Variants in BAIAP2L1 observed in about 807,000 individuals in gnomAD.
BAIAP2L1 encodes BAR/IMD domain-containing adapter protein 2-like 1.
A neutral mutation model predicts 66.3 loss-of-function variants in BAIAP2L1; 35 were observed. That is an observed-to-expected ratio of 0.53 (90% confidence interval 0.40 to 0.70). The LOEUF is 0.70. Among genes scored for constraint, BAIAP2L1 ranks in the 30% least tolerant of loss-of-function variants. BAIAP2L1 has a pLI of 0.00. For missense variants in BAIAP2L1, 622 were observed against 656.9 expected (o/e 0.95, Z 0.58); for synonymous variants, 269 against 248.7 (o/e 1.08, Z -0.77).
chr7:98,335,179 A>G (rs1801588023), intron 3 of BAIAP2L1, among the ~76,000 whole-genome samples: 1 of 58,820 alleles, frequency 1.7e-5, no homozygotes, highest in East Asian at 3.9e-4. Flanking sequence ...AAAAAAAAAA[A>G]TTTATCTCCC....
rs1803015900 is a variant in BAIAP2L1, at chr7:98,390,685, T to C, written c.51+10117A>G. ...AGGCAGAGCTTGCAGTGAGCCAAGA[T>C]TGCGCCACTGCACTACAGCCTGGGT... On this transcript the variant is annotated intron_variant, in intron 1 of 13. Transcript: ENST00000005260. 7.2e-5 allele frequency among the ~76,000 whole-genome samples: 11 copies of C among 151,898 alleles called. No individual in the cohort carries two copies. The South Asian group carries it at 2.3e-3, about 32-fold the overall frequency.
rs1322564204 is a variant in BAIAP2L1, at chr7:98,315,508, A to C, written c.591T>G (p.Val197=). The change falls in exon 7 of 14, where the codon GTT becomes GTG. Residue 197 remains valine (V), a synonymous_variant. Coordinates refer to ENST00000005260, the MANE Select transcript of BAIAP2L1 (RefSeq NM_018842.5). The part of the protein sequence containing the change: ...LEEKRRFCFL[V]DKHCGFANHI... ...GGTTTGCAAAGCCACAGTGCTTATC[A>C]ACCAGAAAGCAGAAGCGCCTCTTCT... is the stretch of plus-strand genomic sequence containing the variant. 16 of 1,522,932 alleles carry C rather than the reference A, an allele frequency of 1.1e-5. No individual in the cohort carries two copies. The highest frequency in any genetic ancestry group is 1.3e-5 in the Non-Finnish European group (15 of 1,129,688). The allele number at this position is 1,522,932 out of a possible 1,614,324, so 94.3% of individuals were successfully genotyped here.
intron 2 of BAIAP2L1, among the ~76,000 whole-genome samples, chr7:98,360,060 T>C (rs1802233559): frequency 6.6e-6 from 1 of 151,972 alleles, no homozygotes; most frequent in Non-Finnish European, 1.5e-5. Context: ...GTAGTTGGGA[T>C]CACAGGCACG....
intron 2 of BAIAP2L1, among the ~76,000 whole-genome samples, chr7:98,355,835 G>GT (rs1467067061): frequency 1.3e-5 from 2 of 152,186 alleles, no homozygotes; most frequent in African/African-American, 4.8e-5. Context: ...GTTAGGAGTT[G>GT]TGTGAGGTGG....
intron 11 of BAIAP2L1, 104 bp downstream of exon 11, chr7:98,306,335 A>T: frequency 7.3e-7 from 1 of 1,361,566 alleles, no homozygotes; most frequent in Non-Finnish European, 1.0e-6. Context: ...ACGAGAGCTG[A>T]GGCTTAGGGC....
chr7:98,357,528 C>T (rs914660246), intron 2 of BAIAP2L1, among the ~76,000 whole-genome samples: 6 of 142,554 alleles, frequency 4.2e-5, no homozygotes, highest in Non-Finnish European at 6.0e-5. Context: ...GATTGCGCCA[C>T]TGCACTCCAG....
At chr7:98,311,784 TA>T (rs570404907) in intron 8 of BAIAP2L1, among the ~76,000 whole-genome samples, 81 of 152,018 alleles carry the variant, frequency 5.3e-4, no homozygotes, top group African/African-American at 1.6e-3. Context: ...TGCGCCCCAG[TA>T]ATCCCAGCTA....
At chr7:98,386,287 T>C (rs1802888862) in intron 1 of BAIAP2L1, 9 of 1,596,450 alleles carry the variant, frequency 5.6e-6, no homozygotes, top group Non-Finnish European at 7.7e-6. Flanking sequence ...ATCCATGCCA[T>C]GGAAGTTAGG....
At chr7:98,385,728 CTTTT>C in intron 1 of BAIAP2L1, 1 of 1,087,096 alleles carries the variant, frequency 9.2e-7, no homozygotes, top group Non-Finnish European at 1.3e-6. Context: ...ATCAACATTT[CTTTT>C]TTTTGTTGTT....
At chr7:98,332,108 G>A (rs553781998) in intron 3 of BAIAP2L1, among the ~76,000 whole-genome samples, 12 of 151,918 alleles carry the variant, frequency 7.9e-5, no homozygotes, top group Non-Finnish European at 2.9e-5. Context: ...AGGGCTGGGC[G>A]CAGTGGCTCA....
In BAIAP2L1 at chr7:98,393,104, CAT is replaced by C. The variant is rs1331400439; in HGVS notation, c.51+7696_51+7697del. Among the ~76,000 whole-genome samples the C allele has an allele frequency of 3.3e-4, 29 of 89,032 alleles. No individual in the cohort carries two copies. In the East Asian group the frequency reaches 5.9e-3, roughly 18 times the overall value. The allele number at this position is 89,032 out of a possible 152,430, so 58.4% of individuals were successfully genotyped here. A position where few individuals can be genotyped will look rare whatever the true frequency, so the allele number is the denominator to read the frequency against. On this transcript the variant is annotated intron_variant, in intron 1 of 13. Transcript: ENST00000005260. ...ACACATATATACATATATACGTGTA[CAT>C]ATATGTACACATATATGTATATATA... is the stretch of plus-strand genomic sequence containing the variant.
At chr7:98,296,612 AG>A (rs1300482248) in intron 12 of BAIAP2L1, among the ~76,000 whole-genome samples, 2 of 152,202 alleles carry the variant, frequency 1.3e-5, no homozygotes, top group Admixed American at 1.3e-4. Flanking sequence ...CAACAGAGTG[AG>A]ACTCCATCTG....
At chr7:98,381,024 G>A (rs1025211154) in intron 1 of BAIAP2L1, among the ~76,000 whole-genome samples, 4 of 152,124 alleles carry the variant, frequency 2.6e-5, no homozygotes, top group Admixed American at 2.0e-4. Context: ...CCAGACAGCT[G>A]GACACGCACC....
intron 1 of BAIAP2L1, among the ~76,000 whole-genome samples, chr7:98,393,116 C>CATATGT (rs1803099408): frequency 8.6e-6 from 1 of 116,622 alleles, no homozygotes; most frequent in African/African-American, 3.9e-5. Flanking sequence ...TATATGTACA[C>CATATGT]ATATATGTAT....
In BAIAP2L1 at chr7:98,317,281, T is replaced by TC. The variant is rs1562971132; in HGVS notation, c.423dup (p.Lys142GlufsTer16). On this transcript the variant is annotated frameshift_variant, in exon 6 of 14. Coordinates refer to ENST00000005260, the MANE Select transcript of BAIAP2L1 (RefSeq NM_018842.5). LOFTEE classifies it high-confidence loss of function. ...CTTCCTTGGCTTTTCCTTCTGATCTTCTTCAACTCAGCTTGGGATTTCTCC... is the reference window on the plus strand; with the variant it reads ...CTTCCTTGGCTTTTCCTTCTGATCTTCCTTCAACTCAGCTTGGGATTTCTCC... The TC allele has an allele frequency of 6.2e-7, 1 of 1,614,274 alleles. No homozygotes were observed. The highest frequency in any genetic ancestry group is 2.2e-5 in the East Asian group (1 of 44,896).
intron 2 of BAIAP2L1, among the ~76,000 whole-genome samples, chr7:98,356,564 A>G (rs2115699452): frequency 6.6e-6 from 1 of 150,958 alleles, no homozygotes; most frequent in Admixed American, 6.6e-5. Context: ...TGGCAAGATC[A>G]TGGCTCACTG....
In BAIAP2L1 at chr7:98,357,544, C is replaced by T. The variant is rs188668760; in HGVS notation, c.128-2416G>A. Reference sequence around the variant, plus strand: ...ATTGCGCCACTGCACTCCAGCCTGGCGACAAAGTGAGACTCAGTCTCAAAA... The same window carrying T: ...ATTGCGCCACTGCACTCCAGCCTGGTGACAAAGTGAGACTCAGTCTCAAAA... On this transcript the variant is annotated intron_variant, in intron 2 of 13. Coordinates refer to ENST00000005260, the MANE Select transcript of BAIAP2L1 (RefSeq NM_018842.5). 8.0e-3 allele frequency among the ~76,000 whole-genome samples: 1,028 copies of T among 128,798 alleles called. 7 individuals are homozygous for T. Among genetic ancestry groups the T allele is most frequent in the Middle Eastern group, 0.033 (7 of 210 alleles). 84.5% of individuals were successfully genotyped at this position (128,798 alleles called of 152,430 possible). A position where few individuals can be genotyped will look rare whatever the true frequency, so the allele number is the denominator to read the frequency against.
intron 3 of BAIAP2L1, among the ~76,000 whole-genome samples, chr7:98,351,642 G>A (rs1015819118): frequency 6.6e-6 from 1 of 152,112 alleles, no homozygotes; most frequent in Non-Finnish European, 1.5e-5. Flanking sequence ...TGAGTATGAG[G>A]ATGAGAAGAC....
intron 1 of BAIAP2L1, among the ~76,000 whole-genome samples, chr7:98,390,731 C>CA (rs143038894): frequency 0.39 from 57,643 of 148,156 alleles, 12,431 homozygotes; most frequent in Middle Eastern, 0.55. Context: ...GACTCTGTCT[C>CA]AAAAAAAAAC....
Sources: gnomAD v4.1 joint callset for allele counts (sites outside exome capture counted in the v4.1 genomes callset) on GRCh38, gnomAD v4.1.1 for gene constraint, MANE v1.5 for transcripts, NCBI Gene and HGNC (gene_info 2026-07-23, HGNC 2026-07-21) for gene names.